HLCS: variants seen among roughly 807,000 people sequenced by gnomAD.
The protein encoded by HLCS is biotin--protein ligase.
Under a neutral mutation model 75.0 loss-of-function variants are expected in HLCS, and 53 were observed. The ratio of observed to expected loss-of-function variants is 0.71; its 90% confidence interval spans 0.57 to 0.89. The LOEUF (loss-of-function observed/expected upper bound fraction) is 0.89. HLCS is among the 40% of genes least tolerant of loss of function. HLCS has a pLI of 0.00. For synonymous variants in HLCS, 431 were observed against 428.6 expected (o/e 1.01, Z -0.07); for missense variants, 966 against 1,074.0 (o/e 0.90, Z 1.41).
chr21:36,822,159 C>T (rs2061862996), intron 6 of HLCS, among the ~76,000 whole-genome samples: 1 of 152,178 alleles, frequency 6.6e-6, no homozygotes, highest in Non-Finnish European at 1.5e-5. Flanking sequence ...CAGTGGCTCA[C>T]ACCTGTAATC....
chr21:36,794,233 T>C (rs1336925618), intron 6 of HLCS, among the ~76,000 whole-genome samples: 1 of 152,214 alleles, frequency 6.6e-6, no homozygotes, highest in Non-Finnish European at 1.5e-5. Context: ...GGAGCTGGCA[T>C]TCTAGTATGT....
At chr21:36,909,189 T>C (rs1157213777) in intron 5 of HLCS, among the ~76,000 whole-genome samples, 3 of 151,984 alleles carry the variant, frequency 2.0e-5, no homozygotes, top group African/African-American at 7.2e-5. Context: ...AGAGCGAGAC[T>C]CCATCTCAAA....
intron 4 of HLCS, among the ~76,000 whole-genome samples, chr21:36,931,056 G>A (rs2066615032): frequency 6.6e-6 from 1 of 152,170 alleles, no homozygotes; most frequent in Non-Finnish European, 1.5e-5. Flanking sequence ...AGCCAAGGCG[G>A]GCAGATCACC....
At chr21:36,796,091 G>A (rs1007338964) in intron 6 of HLCS, among the ~76,000 whole-genome samples, 2 of 152,182 alleles carry the variant, frequency 1.3e-5, no homozygotes, top group African/African-American at 4.8e-5. Flanking sequence ...ATGAGGGAAA[G>A]TTGCCTGACT....
rs370118884 is a variant in HLCS, at chr21:36,937,277, G to A, written c.609C>T (p.Asp203=). ...CATCTCTGCCAACATGCTCCATACCGTCCTGCTCAGGCTTAATCTCAAGAG... is the reference window on the plus strand; with the variant it reads ...CATCTCTGCCAACATGCTCCATACCATCCTGCTCAGGCTTAATCTCAAGAG... ...EPSLEIKPEQ[D]GMEHVGRDDP... Residue 203 remains aspartate (D), a synonymous_variant, in exon 4 of 11, where the codon GAC becomes GAT. Coordinates refer to ENST00000674895, the MANE Select transcript of HLCS (RefSeq NM_001352514.2). 24 of 1,613,900 alleles carry A rather than the reference G, an allele frequency of 1.5e-5. No individual in the cohort carries two copies. Among genetic ancestry groups the A allele is most frequent in the South Asian group, 9.9e-5 (9 of 91,072 alleles).
At chr21:36,781,723 G>A (rs181187816) in intron 6 of HLCS, among the ~76,000 whole-genome samples, 18 of 152,042 alleles carry the variant, frequency 1.2e-4, no homozygotes, top group African/African-American at 4.3e-4. Context: ...TGTTTGGATT[G>A]GCTAATACCT....
intron 6 of HLCS, among the ~76,000 whole-genome samples, chr21:36,814,954 G>A (rs2061616344): frequency 6.6e-6 from 1 of 152,182 alleles, no homozygotes; most frequent in African/African-American, 2.4e-5. Context: ...GGCCCTGTGA[G>A]GGCCAGGGAA....
intron 6 of HLCS, among the ~76,000 whole-genome samples, chr21:36,770,237 C>T (rs138680646): frequency 6.1e-4 from 91 of 149,860 alleles, no homozygotes; most frequent in African/African-American, 2.0e-3. Context: ...ACCTCCATCT[C>T]CAAGGTTTAA....
At chr21:36,774,283 G>T (rs1177503007) in intron 6 of HLCS, among the ~76,000 whole-genome samples, 1 of 152,162 alleles carries the variant, frequency 6.6e-6, no homozygotes, top group African/African-American at 2.4e-5. Context: ...CTACAGGAAG[G>T]TTCCCAAGGA....
At chr21:36,874,707 G>C (rs1355835172) in intron 6 of HLCS, among the ~76,000 whole-genome samples, 1 of 152,232 alleles carries the variant, frequency 6.6e-6, no homozygotes, top group African/African-American at 2.4e-5. Flanking sequence ...TGCAATGGGG[G>C]AGGTGTGGCC....
At chr21:36,796,090 A>G (rs565935210) in intron 6 of HLCS, among the ~76,000 whole-genome samples, 1 of 152,354 alleles carries the variant, frequency 6.6e-6, no homozygotes, top group African/African-American at 2.4e-5. Flanking sequence ...AATGAGGGAA[A>G]GTTGCCTGAC....
chr21:36,777,971 A>AT (rs1448063966), intron 6 of HLCS, among the ~76,000 whole-genome samples: 2 of 151,924 alleles, frequency 1.3e-5, no homozygotes, highest in Non-Finnish European at 2.9e-5. Flanking sequence ...ATTTTTATTT[A>AT]TTTTTTATTT....
chr21:36,897,114 A>G lies in HLCS; in HGVS notation c.1638T>C (p.Leu546=). Residue 546 remains leucine (L), a synonymous_variant, in exon 6 of 11, where the codon CTT becomes CTC. Transcript: ENST00000674895. ...LSAAEEIRDP[L]MQWLGKHVDS... ...CCACATGTTTCCCAAGCCACTGCAT[A>G]AGAGGATCCCTGATTTCCTGTGTCA... 1 of 1,614,206 alleles carries G rather than the reference A, an allele frequency of 6.2e-7. No individual in the cohort carries two copies. Among genetic ancestry groups the G allele is most frequent in the Non-Finnish European group, 8.5e-7 (1 of 1,180,038 alleles).
intron 1 of HLCS, among the ~76,000 whole-genome samples, chr21:36,963,937 A>G (rs1261219509): frequency 5.3e-5 from 8 of 152,020 alleles, no homozygotes; most frequent in Admixed American, 5.2e-4. Flanking sequence ...ACATATGAGA[A>G]CACGCCAGGC....
chr21:36,957,052 CAA>C (rs3035105), intron 2 of HLCS, among the ~76,000 whole-genome samples: 66,556 of 107,412 alleles, frequency 0.62, 17,242 homozygotes, highest in East Asian at 0.73. Context: ...GACTCCGTCT[CAA>C]AAAAAAAAAA....
intron 5 of HLCS, among the ~76,000 whole-genome samples, chr21:36,916,869 C>A (rs1331828765): frequency 2.0e-5 from 3 of 152,136 alleles, no homozygotes; most frequent in Non-Finnish European, 4.4e-5. Context: ...AAACTAGAGC[C>A]GTTCTCCTGG....
intron 7 of HLCS, among the ~76,000 whole-genome samples, chr21:36,766,169 G>A (rs2090023544): frequency 1.3e-5 from 2 of 152,104 alleles, no homozygotes; most frequent in Admixed American, 1.3e-4. Context: ...GACTACAGGT[G>A]AGTACCACCA....
At chr21:36,781,415 T>C (rs1210501200) in intron 6 of HLCS, among the ~76,000 whole-genome samples, 1 of 152,188 alleles carries the variant, frequency 6.6e-6, no homozygotes, top group Non-Finnish European at 1.5e-5. Flanking sequence ...TTTTGTGTCT[T>C]TCAGATTGTT....
intron 6 of HLCS, among the ~76,000 whole-genome samples, chr21:36,807,594 CAT>C (rs1053661591): frequency 2.0e-5 from 3 of 152,214 alleles, no homozygotes; most frequent in Non-Finnish European, 4.4e-5. Context: ...CCCTGAGAAA[CAT>C]GTGCTGCCAG....
Sources: allele counts gnomAD v4.1 joint callset (sites outside exome capture counted in the v4.1 genomes callset), GRCh38; gene constraint gnomAD v4.1.1; transcripts MANE v1.5; gene names NCBI Gene and HGNC (gene_info 2026-07-23, HGNC 2026-07-21).